The following SNTG1 variants were observed in gnomAD, a reference collection of about 807,000 sequenced individuals.
SNTG1 encodes syntrophin gamma 1.
SNTG1 carries 39 observed loss-of-function variants against 74.7 expected under a neutral mutation model. The ratio of observed to expected loss-of-function variants is 0.52; its 90% CI spans 0.40 to 0.68. The LOEUF (loss-of-function observed/expected upper bound fraction) is 0.68, where lower values mean the gene tolerates loss of function less well. Ranked by LOEUF, SNTG1 falls within the 30% of genes least tolerant of loss-of-function variation. The pLI is 0.00. For synonymous variants in SNTG1, 254 were observed against 217.1 expected, an observed-to-expected ratio of 1.17 and a Z score of -1.49; for missense variants, 685 against 609.5, an observed-to-expected ratio of 1.12 and a Z score of -1.30.
chr8:50,057,736 G>A (rs866312906), intron 1 of SNTG1, among the ~76,000 whole-genome samples: 16 of 152,152 alleles, frequency 1.1e-4, no homozygotes, highest in South Asian at 4.1e-4. Flanking sequence ...TGCAACCTGG[G>A]ACTGTGTCCA....
chr8:50,765,344 T>A (rs1380043771), intron 18 of SNTG1, among the ~76,000 whole-genome samples: 1 of 151,972 alleles, frequency 6.6e-6, no homozygotes, highest in African/African-American at 2.4e-5. Flanking sequence ...TAGGCTTCTC[T>A]TAGGTTTACT....
chr8:50,791,343 T>C (rs2095690156), intron 18 of SNTG1, among the ~76,000 whole-genome samples: 1 of 152,020 alleles, frequency 6.6e-6, no homozygotes, highest in East Asian at 1.9e-4. Flanking sequence ...GTTAAATGAA[T>C]AACCTCTTCT....
At chr8:49,998,222 A>T (rs1387818479) in intron 1 of SNTG1, among the ~76,000 whole-genome samples, 1 of 152,182 alleles carries the variant, frequency 6.6e-6, no homozygotes, top group Non-Finnish European at 1.5e-5. Flanking sequence ...GGAACTTACC[A>T]CAAATGGAAC....
chr8:49,959,085 T>C (rs998051209), intron 1 of SNTG1, among the ~76,000 whole-genome samples: 1 of 152,216 alleles, frequency 6.6e-6, no homozygotes, highest in Non-Finnish European at 1.5e-5. Context: ...TCATTATTTC[T>C]CAACTACTCA....
chr8:50,086,732 G>A (rs1483754986), intron 1 of SNTG1, among the ~76,000 whole-genome samples: 8 of 152,024 alleles, frequency 5.3e-5, no homozygotes, highest in South Asian at 4.1e-4. Flanking sequence ...GTTTGCAAGA[G>A]GTGGTTGAAA....
At chr8:50,330,601 C>A (rs2090925441) in intron 2 of SNTG1, among the ~76,000 whole-genome samples, 4 of 152,124 alleles carry the variant, frequency 2.6e-5, no homozygotes, top group African/African-American at 9.7e-5. Flanking sequence ...ATCCCAGTAC[C>A]AATTTACTAT....
At chr8:50,002,193 G>T (rs1313907951) in intron 1 of SNTG1, among the ~76,000 whole-genome samples, 3 of 152,150 alleles carry the variant, frequency 2.0e-5, no homozygotes, top group Non-Finnish European at 4.4e-5. Flanking sequence ...CACAAAGTGG[G>T]TATTTTTTTA....
chr8:49,963,832 T>A (rs2129780867), intron 1 of SNTG1, among the ~76,000 whole-genome samples: 1 of 152,378 alleles, frequency 6.6e-6, no homozygotes, highest in Non-Finnish European at 1.5e-5. Flanking sequence ...CTGTTTTCCA[T>A]AGCCAATATG....
chr8:50,196,275 T>A (rs1371358730), intron 2 of SNTG1, among the ~76,000 whole-genome samples: 1 of 152,178 alleles, frequency 6.6e-6, no homozygotes, highest in Non-Finnish European at 1.5e-5. Context: ...TGCCATTTTA[T>A]GGCTAGCAAC....
chr8:50,050,132 G>A (rs1019104460), intron 1 of SNTG1, among the ~76,000 whole-genome samples: 6 of 150,858 alleles, frequency 4.0e-5, no homozygotes, highest in African/African-American at 1.5e-4. Context: ...TTAAATACAG[G>A]AAATCAACAG....
chr8:50,423,157 G>A (rs117157813), intron 4 of SNTG1, among the ~76,000 whole-genome samples: 2,784 of 152,312 alleles, frequency 0.018, 41 homozygotes, highest in Middle Eastern at 0.054. Flanking sequence ...TACAGTGTGT[G>A]TTCTCTGACT....
intron 1 of SNTG1, among the ~76,000 whole-genome samples, chr8:50,081,988 G>C (rs1321000148): frequency 6.6e-6 from 1 of 152,112 alleles, no homozygotes; most frequent in Non-Finnish European, 1.5e-5. Context: ...AATTAATTTT[G>C]TTATATCATC....
At chr8:50,214,801 G>C (rs1426342335) in intron 2 of SNTG1, among the ~76,000 whole-genome samples, 2 of 152,088 alleles carry the variant, frequency 1.3e-5, no homozygotes. Flanking sequence ...GGCAAATAGA[G>C]AATAGCCAAG....
At chr8:50,677,821 G>C (rs2095315151) in intron 15 of SNTG1, among the ~76,000 whole-genome samples, 2 of 151,940 alleles carry the variant, frequency 1.3e-5, no homozygotes, top group Admixed American at 1.3e-4. Flanking sequence ...CAGTGGCATA[G>C]ATAGTTTGCA....
Position 50,484,454 on chromosome 8 carries a change from A to G in SNTG1, c.364-18324A>G, listed in dbSNP as rs117465326. Among the ~76,000 whole-genome samples, 417 of 151,544 alleles carry G rather than the reference A, an allele frequency of 2.8e-3. 2 individuals are homozygous for G. Among genetic ancestry groups the G allele is most frequent in the Admixed American group, 5.6e-3 (85 of 15,240 alleles). ...GGTCTCAAACTCATGACCTCAGATG[A>G]TCTACCTGTCTCGGCCTCCCAAAGC... On this transcript the variant is annotated intron_variant, in intron 8 of 18. Coordinates refer to ENST00000642720, the MANE Select transcript of SNTG1 (RefSeq NM_018967.5).
chr8:50,170,854 G>A (rs534887651), intron 1 of SNTG1, among the ~76,000 whole-genome samples: 138 of 152,204 alleles, frequency 9.1e-4, no homozygotes, highest in African/African-American at 3.3e-3. Flanking sequence ...TTCCTAATGG[G>A]CACCTCCTGG....
chr8:50,265,301 A>T (rs1324520376), intron 2 of SNTG1, among the ~76,000 whole-genome samples: 1 of 152,172 alleles, frequency 6.6e-6, no homozygotes, highest in African/African-American at 2.4e-5. Context: ...ACATATTACT[A>T]GAATAAAAAG....
intron 12 of SNTG1, among the ~76,000 whole-genome samples, chr8:50,570,674 G>A (rs1296017671): frequency 1.3e-5 from 2 of 150,710 alleles, no homozygotes; most frequent in East Asian, 1.9e-4. Flanking sequence ...GCATGATCTC[G>A]GATCACTGCA....
intron 13 of SNTG1, among the ~76,000 whole-genome samples, chr8:50,634,349 C>T (rs2095024842): frequency 1.3e-5 from 2 of 152,196 alleles, no homozygotes; most frequent in African/African-American, 4.8e-5. Flanking sequence ...TTGTCTGGGT[C>T]ATGCATCCGG....
Sources: allele counts gnomAD v4.1 joint callset (sites outside exome capture counted in the v4.1 genomes callset), GRCh38; gene constraint gnomAD v4.1.1; transcripts MANE v1.5; gene names NCBI Gene and HGNC (gene_info 2026-07-23, HGNC 2026-07-21).